SLC5A9: variants seen among roughly 807,000 people sequenced by gnomAD.
The protein encoded by SLC5A9 is sodium/glucose cotransporter 4.
In SLC5A9, 59 loss-of-function variants were observed where a neutral mutation model predicts 70.9. The ratio of observed to expected loss-of-function variants is 0.83; its 90% CI spans 0.68 to 1.03. The LOEUF is 1.03. Ranked by LOEUF, SLC5A9 falls within the 50% of genes least tolerant of loss-of-function variation. The pLI is 0.00. For synonymous variants in SLC5A9, 340 were observed against 346.5 expected, an observed-to-expected ratio of 0.98 and a Z score of 0.21; for missense variants, 832 against 881.1, an observed-to-expected ratio of 0.94 and a Z score of 0.71.
intron 1 of SLC5A9, 91 bp from the exon 2 acceptor site, chr1:48,224,633 T>C (rs1644118024): frequency 4.6e-6 from 6 of 1,306,494 alleles, no homozygotes; most frequent in Non-Finnish European, 6.6e-6. Context: ...CCACAGTGCC[T>C]GCACCGAGGG....
Position 48,239,160 on chromosome 1 carries a change from G to A in SLC5A9, c.1462-162G>A, listed in dbSNP as rs1644363077. 6.6e-6 allele frequency among the ~76,000 whole-genome samples: 1 copy of A among 152,202 alleles called. No individual in the cohort carries two copies. Among genetic ancestry groups the A allele is most frequent in the Admixed American group, 6.5e-5 (1 of 15,284 alleles). Reference sequence around the variant, plus strand: ...TTCCACTGTGCCTTTAAGTCAAGACGAAGTCTCAGTATTAATGGAGAACTC... The same window carrying A: ...TTCCACTGTGCCTTTAAGTCAAGACAAAGTCTCAGTATTAATGGAGAACTC... On this transcript the variant is annotated intron_variant, in intron 11 of 13. Coordinates refer to ENST00000438567, the MANE Select transcript of SLC5A9 (RefSeq NM_001011547.3). The surrounding 1 kb of genome is among the most constrained non-coding windows in gnomAD (Gnocchi z 4.2).
At position 48,229,285 on chromosome 1, in the gene SLC5A9, A is replaced by G; in HGVS notation, c.340-10A>G. The G allele has an allele frequency of 6.2e-7, 1 of 1,611,934 alleles. No homozygotes were observed. Among genetic ancestry groups the G allele is most frequent in the South Asian group, 1.1e-5 (1 of 90,876 alleles). The stretch of plus-strand genomic sequence containing the variant: ...ACCTGGATACCTTCTTCTTCTCCCC[A>G]CTCTCCCAGGCAACCTGGCTGCTCC... On this transcript the variant is annotated splice_polypyrimidine_tract_variant and intron_variant, in intron 3 of 13. Coordinates refer to ENST00000438567, the MANE Select transcript of SLC5A9 (RefSeq NM_001011547.3).
chr1:48,236,716 C>T (rs1403902823), intron 10 of SLC5A9, among the ~76,000 whole-genome samples: 3 of 152,342 alleles, frequency 2.0e-5, no homozygotes, highest in South Asian at 2.1e-4. Context: ...TGCCTTTGCA[C>T]TCACTGTTCT....
chr1:48,231,564 C>T lies in SLC5A9; in HGVS notation c.630C>T (p.Ile210=), dbSNP rs756560321. The T allele has an allele frequency of 3.7e-6, 6 of 1,614,156 alleles. No homozygotes were observed. In the East Asian group the frequency reaches 1.3e-4, roughly 36 times the overall value. The change falls in exon 6 of 14, where the codon ATC becomes ATT. Residue 210 remains isoleucine, a synonymous_variant. Transcript: ENST00000438567. ...CCCCAGGTGGCCTCATGGCCGTGAT[C>T]TACACAGATGCTCTGCAGACGGTGA... ...YTIAGGLMAV[I]YTDALQTVIM... is the part of the protein sequence containing the mutation.
At chr1:48,228,505 C>G (rs1391322240) in intron 2 of SLC5A9, 1 of 236,688 alleles carries the variant, frequency 4.2e-6, no homozygotes, top group African/African-American at 2.3e-5. Flanking sequence ...CCTTCAGCTT[C>G]CTTCCTTTGG....
intron 13 of SLC5A9, among the ~76,000 whole-genome samples, chr1:48,245,521 A>G (rs572653771): frequency 7.9e-5 from 12 of 152,292 alleles, no homozygotes; most frequent in African/African-American, 2.9e-4. Flanking sequence ...AGGAAGTAGA[A>G]GGGTAGGGAA....
chr1:48,233,818 TC>T, intron 9 of SLC5A9, 56 bp downstream of exon 9: 2 of 1,293,906 alleles, frequency 1.5e-6, no homozygotes, highest in Non-Finnish European at 2.2e-6. Context: ...TCCTCCAATC[TC>T]CACTGCCCAG....
chr1:48,232,921 AAAAG>A (rs200400686), intron 8 of SLC5A9, among the ~76,000 whole-genome samples: 36,364 of 146,114 alleles, frequency 0.25, 5,081 homozygotes, highest in Admixed American at 0.34. Flanking sequence ...GAAAGGAAGA[AAAAG>A]AAAGAAAGAA....
intron 1 of SLC5A9, 90 bp from the exon 2 acceptor site, chr1:48,224,634 G>A (rs1384662082): frequency 2.3e-6 from 3 of 1,322,480 alleles, no homozygotes; most frequent in Non-Finnish European, 3.3e-6. Flanking sequence ...CACAGTGCCT[G>A]CACCGAGGGG....
intron 13 of SLC5A9, among the ~76,000 whole-genome samples, chr1:48,245,345 C>T (rs1193274328): frequency 1.3e-5 from 2 of 152,130 alleles, no homozygotes; most frequent in African/African-American, 2.4e-5. Flanking sequence ...AATGGACCTA[C>T]TCCCCAGCTG....
In SLC5A9 at chr1:48,237,697, G is replaced by T; in HGVS notation, c.1311G>T (p.Leu437=). The T allele has an allele frequency of 6.2e-7, 1 of 1,614,010 alleles. No individual in the cohort carries two copies. The highest frequency in any genetic ancestry group is 8.5e-7 in the Non-Finnish European group (1 of 1,180,006). The change falls in exon 11 of 14, where the codon CTG becomes CTT. Residue 437 remains leucine (L), a synonymous_variant. Transcript: ENST00000438567. Reference sequence around the variant, plus strand: ...CTGGCAGAGTGTTTGTGGTGTTCCTGGTTGTCATCAGCATCCTCTGGATCC... The same window carrying T: ...CTGGCAGAGTGTTTGTGGTGTTCCTTGTTGTCATCAGCATCCTCTGGATCC... ...MVVGRVFVVF[L]VVISILWIPI...
At position 48,229,343 on chromosome 1, in the gene SLC5A9, A is replaced by C. The variant is rs1331481395; in HGVS notation, c.388A>C (p.Ile130Leu). The C allele has an allele frequency of 6.2e-7, 1 of 1,614,042 alleles. No individual in the cohort carries two copies. Among genetic ancestry groups the C allele is most frequent in the South Asian group, 1.1e-5 (1 of 91,078 alleles). ...TGGCTGGGTCTTCGTCCCTGTGTAC[A>C]TCGCAGCAGGTGTGGTCACAATGCC... Reference protein sequence around the residue: ...ALGWVFVPVYIAAGVVTMPQY... With the variant: ...ALGWVFVPVYLAAGVVTMPQY... Residue 130 changes from isoleucine to leucine, a missense_variant, in exon 4 of 14, where the codon ATC becomes CTC. Physicochemically the swap from Ile to Leu is conservative, Grantham distance 5. Transcript: ENST00000438567.
chr1:48,237,089 T>A (rs1466864534), intron 10 of SLC5A9, among the ~76,000 whole-genome samples: 3 of 151,962 alleles, frequency 2.0e-5, no homozygotes, highest in Non-Finnish European at 4.4e-5. Flanking sequence ...CCAAGAAAAG[T>A]TTTTCATCAA....
intron 1 of SLC5A9, 92 bp from the exon 2 acceptor site, chr1:48,224,632 C>T: frequency 7.7e-7 from 1 of 1,292,884 alleles, no homozygotes; most frequent in Non-Finnish European, 1.1e-6. Flanking sequence ...CCCACAGTGC[C>T]TGCACCGAGG....
chr1:48,247,734 C>T lies in SLC5A9; in HGVS notation c.*191C>T, dbSNP rs953396559. 9.6e-6 allele frequency: 6 copies of T among 627,614 alleles called. No individual in the cohort carries two copies. Among genetic ancestry groups the T allele is most frequent in the Non-Finnish European group, 1.7e-5 (6 of 359,724 alleles). The allele number at this position is 627,614 out of a possible 1,614,324, so 38.9% of individuals were successfully genotyped here. ...GAGAAACAGAAGCCCAGAGAGAGCA[C>T]TGGGTTTGTTCAGGACCACCCAGAA... On this transcript the variant is annotated 3_prime_UTR_variant, in exon 14 of 14. Coordinates refer to ENST00000438567, the MANE Select transcript of SLC5A9 (RefSeq NM_001011547.3).
At chr1:48,237,439 A>ATAAG (rs1557479283) in intron 10 of SLC5A9, among the ~76,000 whole-genome samples, 1 of 152,082 alleles carries the variant, frequency 6.6e-6, no homozygotes, top group African/African-American at 2.4e-5. Flanking sequence ...CGTCTAATAT[A>ATAAG]TAAGTGCCAC....
At chr1:48,224,655 G>A in intron 1 of SLC5A9, 69 bp from the exon 2 acceptor site, 1 of 1,521,416 alleles carries the variant, frequency 6.6e-7, no homozygotes. Context: ...AAGGAAATCT[G>A]CGGGGAGGGG....
At chr1:48,231,063 T>C (rs1303535220) in intron 5 of SLC5A9, among the ~76,000 whole-genome samples, 1 of 152,152 alleles carries the variant, frequency 6.6e-6, no homozygotes, top group African/African-American at 2.4e-5. Flanking sequence ...CCAGAGTCAC[T>C]GCAGGCTGCC....
At position 48,239,597 on chromosome 1, in the gene SLC5A9, G is replaced by T; in HGVS notation, c.1677+60G>T. The T allele has an allele frequency of 6.7e-7, 1 of 1,484,736 alleles. No homozygotes were observed. Among genetic ancestry groups the T allele is most frequent in the South Asian group, 1.1e-5 (1 of 87,210 alleles). The allele number at this position is 1,484,736 out of a possible 1,614,324, so 92.0% of individuals were successfully genotyped here. On this transcript the variant is annotated intron_variant, in intron 12 of 13. Transcript: ENST00000438567. The surrounding 1 kb of genome is among the most constrained non-coding windows in gnomAD (Gnocchi z 4.2). ...ATGCTCTCCCTTCCCCCATAGCCTA[G>T]AATTCCACTGCTGACTTTTACTCTG...
Sources: allele counts gnomAD v4.1 joint callset (sites outside exome capture counted in the v4.1 genomes callset), GRCh38; gene constraint gnomAD v4.1.1; non-coding constraint Gnocchi (gnomAD v3.1); transcripts MANE v1.5; gene names NCBI Gene and HGNC (gene_info 2026-07-23, HGNC 2026-07-21).